DMAP1: variants seen among roughly 807,000 people sequenced by gnomAD.
DMAP1 encodes the protein DNA methyltransferase 1 associated protein 1.
A neutral mutation model predicts 52.7 loss-of-function variants in DMAP1; 26 were observed. That is an observed-to-expected ratio of 0.49 (90% CI 0.36 to 0.68). The LOEUF is 0.68. DMAP1 is among the 30% of genes least tolerant of loss of function. The probability of loss-of-function intolerance (pLI) is 0.00; values close to 1 mark genes in which losing one functional copy is unlikely to be tolerated. For missense variants in DMAP1, 439 were observed against 625.2 expected (o/e 0.70, Z 3.18); for synonymous variants, 231 against 246.0 (o/e 0.94, Z 0.57).
In DMAP1 at chr1:44,220,322, A is replaced by T. The variant is rs776417920; in HGVS notation, c.1344+13A>T. The stretch of plus-strand genomic sequence containing the variant: ...CACGCCCAATTCGGTAAGAGTCTGG[A>T]CAGGCTGGGAGGCACGCCTGGGCCC... On this transcript the variant is annotated intron_variant, in intron 9 of 9. Coordinates refer to ENST00000372289, the MANE Select transcript of DMAP1 (RefSeq NM_019100.5). The T allele has an allele frequency of 2.6e-6, 4 of 1,538,778 alleles. No individual in the cohort carries two copies. The highest frequency in any genetic ancestry group is 1.9e-5 in the Admixed American group (1 of 51,948).
intron 3 of DMAP1, chr1:44,217,323 G>A (rs555985995): frequency 1.3e-4 from 20 of 152,362 alleles, no homozygotes; most frequent in African/African-American, 3.8e-4. Context: ...GATTGGAAGC[G>A]GATTGAATGT....
chr1:44,219,610 A>G (rs1330758715), intron 7 of DMAP1, 133 bp downstream of exon 7: 17 of 1,161,132 alleles, frequency 1.5e-5, no homozygotes, highest in Admixed American at 2.5e-5. Flanking sequence ...CCTTGGCAGG[A>G]TCTCAGTGAT....
chr1:44,216,855 T>A (rs939467530), intron 3 of DMAP1: 1 of 152,266 alleles, frequency 6.6e-6, no homozygotes, highest in African/African-American at 2.4e-5. Flanking sequence ...CACTGATACA[T>A]ACAGTGTGCT....
Position 44,214,776 on chromosome 1 carries a change from A to G in DMAP1, c.271A>G (p.Lys91Glu). The G allele has an allele frequency of 6.2e-7, 1 of 1,614,186 alleles. No homozygotes were observed. Among genetic ancestry groups the G allele is most frequent in the Non-Finnish European group, 8.5e-7 (1 of 1,180,012 alleles). The change falls in exon 3 of 10, where the codon AAG becomes GAG. Residue 91 changes from lysine (K) to glutamate (E), a missense_variant. Physicochemically the swap from Lys to Glu is moderately conservative, Grantham distance 56 (BLOSUM62 1). Transcript: ENST00000372289. Reference sequence around the variant, plus strand: ...AGTGAAGGCCAAGTTGGGCTCCAAGAAGGTGCGGCCTTGGAAGTGGATGCC... The same window carrying G: ...AGTGAAGGCCAAGTTGGGCTCCAAGGAGGTGCGGCCTTGGAAGTGGATGCC... ...RTVKAKLGSK[K>E]VRPWKWMPFT... is the part of the protein sequence containing the mutation.
chr1:44,219,969 C>T, intron 8 of DMAP1, 48 bp from the exon 9 acceptor site: 2 of 1,605,368 alleles, frequency 1.2e-6, no homozygotes, highest in Non-Finnish European at 1.7e-6. Flanking sequence ...ATTGCTGGCC[C>T]TCTACCACAC....
At position 44,213,863 on chromosome 1, in the gene DMAP1, C is replaced by G; in HGVS notation, c.105+5C>G. 6.3e-7 allele frequency: 1 copy of G among 1,576,150 alleles called. No homozygotes were observed. The highest frequency in any genetic ancestry group is 8.6e-7 in the Non-Finnish European group (1 of 1,161,192). On this transcript the variant is annotated splice_donor_5th_base_variant and intron_variant, in intron 1 of 9. Transcript: ENST00000372289. This position sits in a 1 kb window ranked among gnomAD's most constrained non-coding sequence, Gnocchi z 4.5. ...GACATTATCAACCCGGACAAGGTAG[C>G]AGGGGCACCTGAAAGCGTTGACTAG...
intron 3 of DMAP1, chr1:44,217,327 TGAATGTG>T (rs1407153919): frequency 1.3e-5 from 2 of 152,196 alleles, no homozygotes; most frequent in Non-Finnish European, 2.9e-5. Flanking sequence ...GGAAGCGGAT[TGAATGTG>T]GGCAGAGATC....
Position 44,213,711 on chromosome 1 carries a change from A to T in DMAP1, c.-43A>T. On this transcript the variant is annotated 5_prime_UTR_variant, in exon 1 of 10. Transcript: ENST00000372289. The surrounding 1 kb of genome is among the most constrained non-coding windows in gnomAD (Gnocchi z 4.5). ...ACCTGAGCCTGGTCCTTCTTCAGGC[A>T]CTGACCCTTGACCTCCGGTGGCTCC... is the stretch of plus-strand genomic sequence containing the variant. The T allele has an allele frequency of 6.5e-7, 1 of 1,542,776 alleles. No individual in the cohort carries two copies. Among genetic ancestry groups the T allele is most frequent in the Non-Finnish European group, 8.8e-7 (1 of 1,138,732 alleles).
chr1:44,214,391 G>A lies in DMAP1; in HGVS notation c.147G>A (p.Arg49=). The A allele has an allele frequency of 1.9e-6, 3 of 1,614,088 alleles. No homozygotes were observed. Among genetic ancestry groups the A allele is most frequent in the Non-Finnish European group, 2.5e-6 (3 of 1,179,992 alleles). Residue 49 remains arginine (R), a synonymous_variant, in exon 2 of 10, where the codon AGG becomes AGA. Transcript: ENST00000372289. ...CCTCTGAGACACTGACTTTCAAGAG[G>A]CCCGAGGGCATGCACCGGGAAGTCT... ...KKSSETLTFK[R]PEGMHREVYA...
At chr1:44,215,219 G>T (rs779845525) in intron 3 of DMAP1, 8 of 503,340 alleles carry the variant, frequency 1.6e-5, no homozygotes, top group Non-Finnish European at 3.1e-5. Flanking sequence ...TGTGGCTTCA[G>T]TTACCCTCTC....
At chr1:44,216,096 G>A (rs1643787365) in intron 3 of DMAP1, 1 of 152,170 alleles carries the variant, frequency 6.6e-6, no homozygotes, top group Non-Finnish European at 1.5e-5. Flanking sequence ...ATCCCTGCCT[G>A]TCATATGCAG....
Position 44,218,719 on chromosome 1 carries a change from AC to A in DMAP1, c.685del (p.Gln229SerfsTer43), listed in dbSNP as rs1381697855. ...CTGGGCACGAACGACGGCGGAAGGA[AC>A]AGCTTGAGCGTCTCTACAACCGGAC... ...DAGHERRRKE[Q>X]LERLYNRTPE... On this transcript the variant is annotated frameshift_variant, in exon 5 of 10. Coordinates refer to ENST00000372289, the MANE Select transcript of DMAP1 (RefSeq NM_019100.5). LOFTEE classifies it high-confidence loss of function. The surrounding 1 kb of genome is among the most constrained non-coding windows in gnomAD (Gnocchi z 5.6). 6.2e-7 allele frequency: 1 copy of A among 1,613,180 alleles called. No homozygotes were observed. The highest frequency in any genetic ancestry group is 8.5e-7 in the Non-Finnish European group (1 of 1,179,444).
chr1:44,219,379 T>G (rs1043082390), intron 6 of DMAP1, 27 bp from the exon 7 acceptor site: 2 of 1,556,100 alleles, frequency 1.3e-6, no homozygotes, highest in Non-Finnish European at 1.7e-6. Context: ...TGTGACACCT[T>G]GGTCTCCATA....
At chr1:44,219,534 T>G in intron 7 of DMAP1, 57 bp downstream of exon 7, 1 of 1,492,970 alleles carries the variant, frequency 6.7e-7, no homozygotes, top group South Asian at 1.3e-5. Flanking sequence ...CTGGGCTCCA[T>G]GTGTCCCAAA....
In DMAP1 at chr1:44,214,599, T is replaced by C. The variant is rs1340720978; in HGVS notation, c.198-104T>C. On this transcript the variant is annotated intron_variant, in intron 2 of 9. Transcript: ENST00000372289. ...ACCTGAAGTCTTTTGCTCCAGGACA[T>C]GACTTTCTTGCTATAGGGTAGGGTA... The C allele has an allele frequency of 3.7e-6, 6 of 1,613,098 alleles. No individual in the cohort carries two copies. The South Asian group carries it at 6.6e-5, about 18-fold the overall frequency.
chr1:44,218,454 C>T lies in DMAP1; in HGVS notation c.537C>T (p.Asp179=), dbSNP rs773374215. ...TTGTTGTTATCCATGACCGGTATGA[C>T]CACCAGCAGTTCAAGGTGAGCCATT... The part of the protein sequence containing the change: ...LRFVVIHDRY[D]HQQFKKRSVE... Residue 179 remains aspartate, a synonymous_variant, in exon 4 of 10, where the codon GAC becomes GAT. Transcript: ENST00000372289. This position sits in a 1 kb window ranked among gnomAD's most constrained non-coding sequence, Gnocchi z 5.6. 1 of 1,614,180 alleles carries T rather than the reference C, an allele frequency of 6.2e-7. No individual in the cohort carries two copies. Among genetic ancestry groups the T allele is most frequent in the South Asian group, 1.1e-5 (1 of 91,086 alleles).
chr1:44,220,340 CT>C (rs1208910848), intron 9 of DMAP1, 31 bp downstream of exon 9: 1 of 1,528,666 alleles, frequency 6.5e-7, no homozygotes, highest in Non-Finnish European at 8.8e-7. Context: ...GGAGGCACGC[CT>C]GGGCCCTGCG....
chr1:44,215,032 T>C (rs759609022), intron 3 of DMAP1, 134 bp downstream of exon 3: 4 of 1,029,418 alleles, frequency 3.9e-6, no homozygotes, highest in Non-Finnish European at 5.9e-6. Flanking sequence ...TCAATCCTCG[T>C]GGCAAATGCA....
Position 44,220,182 on chromosome 1 carries a change from G to A in DMAP1, c.1217G>A (p.Gly406Asp), listed in dbSNP as rs143355210. 1.4e-3 allele frequency: 2,309 copies of A among 1,605,242 alleles called. 4 individuals are homozygous for A. The highest frequency in any genetic ancestry group is 1.8e-3 in the Non-Finnish European group (2,076 of 1,173,944). ...CTGGCCCGGGCTGGTGTGCTAGGGG[G>A]CCCTGCCACACCAGCATCAGGCCCA... ...EALARAGVLG[G>D]PATPASGPGP... The change falls in exon 9 of 10, where the codon GGC becomes GAC. Residue 406 changes from glycine to aspartate, a missense_variant. Physicochemically the swap from Gly to Asp is moderately conservative, Grantham distance 94. Around this residue, in one of 3 missense-constraint regions of DMAP1, gnomAD observed 179 missense variants for 285.9 expected, o/e 0.63. Transcript: ENST00000372289.
Sources: gnomAD v4.1 joint callset for allele counts on GRCh38, gnomAD v4.1.1 for gene constraint, gnomAD v4.1.1 regional missense constraint, Gnocchi (gnomAD v3.1) non-coding constraint, MANE v1.5 for transcripts, NCBI Gene and HGNC (gene_info 2026-07-23, HGNC 2026-07-21) for gene names.